P2RX7: variants seen among roughly 807,000 people sequenced by gnomAD.
P2RX7 encodes the protein P2X purinoceptor 7.
Under a neutral mutation model 71.6 loss-of-function variants are expected in P2RX7, and 62 were observed. That is an observed-to-expected ratio of 0.87 (90% CI 0.71 to 1.07). The LOEUF (loss-of-function observed/expected upper bound fraction) is 1.07. P2RX7 is among the 50% of genes least tolerant of loss of function. P2RX7 has a pLI of 0.00. For synonymous variants in P2RX7, 299 were observed against 283.3 expected, an observed-to-expected ratio of 1.06 and a Z score of -0.56; for missense variants, 686 against 748.5, an observed-to-expected ratio of 0.92 and a Z score of 0.97.
chr12:121,184,366 C>G lies in P2RX7; in HGVS notation c.1352C>G (p.Pro451Arg), dbSNP rs201059543. 2.2e-5 allele frequency: 36 copies of G among 1,614,124 alleles called. No individual in the cohort carries two copies. Among genetic ancestry groups the G allele is most frequent in the Middle Eastern group, 3.3e-4 (2 of 6,062 alleles). Residue 451 changes from proline (P) to arginine (R), a missense_variant, in exon 13 of 13, where the codon CCG (proline) becomes CGG (arginine). Transcript: ENST00000328963. ...CCCCTGGCCCTCCATGACACACCCC[C>G]GATTCCTGGACAACCAGAGGAGATA... ...RLPLALHDTP[P>R]IPGQPEEIQL... is the part of the protein sequence containing the mutation.
chr12:121,184,703 G>A lies in P2RX7; in HGVS notation c.1689G>A (p.Met563Ile). The change falls in exon 13 of 13, where the codon ATG (methionine) becomes ATA (isoleucine). Residue 563 changes from methionine (M) to isoleucine (I), a missense_variant. By Grantham distance (10) the Met-to-Ile change is conservative. Transcript: ENST00000328963. ...CCTGGCGCTTCGGCTCCCAGGACAT[G>A]GCTGACTTTGCCATCCTGCCCAGCT... ...YATWRFGSQD[M>I]ADFAILPSCC... is the part of the protein sequence containing the mutation. 6.4e-7 allele frequency: 1 copy of A among 1,567,386 alleles called. No individual in the cohort carries two copies. The highest frequency in any genetic ancestry group is 8.7e-7 in the Non-Finnish European group (1 of 1,155,904).
chr12:121,145,840 A>G (rs1876070776), intron 1 of P2RX7, among the ~76,000 whole-genome samples: 1 of 152,108 alleles, frequency 6.6e-6, no homozygotes, highest in Admixed American at 6.6e-5. Context: ...TCAGCTATAA[A>G]GAAGAGAGGC....
At chr12:121,145,699 G>A (rs1876029154) in intron 1 of P2RX7, among the ~76,000 whole-genome samples, 1 of 151,918 alleles carries the variant, frequency 6.6e-6, no homozygotes, top group Admixed American at 6.6e-5. Context: ...GTAGAGACGG[G>A]GTTTCACCAT....
chr12:121,169,436 C>T (rs538866715), intron 8 of P2RX7, among the ~76,000 whole-genome samples: 27 of 152,260 alleles, frequency 1.8e-4, no homozygotes, highest in Admixed American at 5.2e-4. Context: ...GAGTTCTCCT[C>T]GTGGGCTTTG....
intron 5 of P2RX7, among the ~76,000 whole-genome samples, chr12:121,163,514 G>A (rs888276113): frequency 3.9e-5 from 6 of 151,978 alleles, no homozygotes; most frequent in African/African-American, 1.5e-4. Flanking sequence ...CATGAAATGC[G>A]ACTACTGAAT....
intron 1 of P2RX7, among the ~76,000 whole-genome samples, chr12:121,151,201 T>A (rs1593037010): frequency 3.3e-5 from 5 of 152,138 alleles, no homozygotes; most frequent in Admixed American, 3.3e-4. Flanking sequence ...GCCACTGTGT[T>A]CCAGCATGGG....
intron 1 of P2RX7, among the ~76,000 whole-genome samples, chr12:121,147,365 AAG>A (rs1876414808): frequency 6.6e-6 from 1 of 152,154 alleles, no homozygotes; most frequent in African/African-American, 2.4e-5. Flanking sequence ...TAAGGATTGC[AAG>A]AGTTAATATA....
rs115030513 is a variant in P2RX7, at chr12:121,146,718, G to A, written c.126-8067G>A. Among the ~76,000 whole-genome samples the A allele has an allele frequency of 3.9e-3, 587 of 152,322 alleles. 7 individuals carry two copies. Among genetic ancestry groups the A allele is most frequent in the African/African-American group, 0.013 (546 of 41,582 alleles). On this transcript the variant is annotated intron_variant, in intron 1 of 12. Coordinates refer to ENST00000328963, the MANE Select transcript of P2RX7 (RefSeq NM_002562.6). ...GTGCACACCCAGAAGTTGTCCTATGGACTTAATGTCTTAGGGGTGAGAAGA... is the reference window on the plus strand; with the variant it reads ...GTGCACACCCAGAAGTTGTCCTATGAACTTAATGTCTTAGGGGTGAGAAGA...
chr12:121,181,925 G>A (rs1439865201), intron 12 of P2RX7, among the ~76,000 whole-genome samples: 2 of 151,970 alleles, frequency 1.3e-5, no homozygotes, highest in Non-Finnish European at 1.5e-5. Flanking sequence ...TTAGCCAGGC[G>A]TGGTGGTGCA....
At chr12:121,182,337 A>G (rs935865917) in intron 12 of P2RX7, among the ~76,000 whole-genome samples, 2 of 152,198 alleles carry the variant, frequency 1.3e-5, no homozygotes, top group African/African-American at 4.8e-5. Context: ...GTATGAAGTG[A>G]ACTACAGTCA....
At chr12:121,181,170 G>C (rs117959175) in intron 12 of P2RX7, among the ~76,000 whole-genome samples, 54 of 152,024 alleles carry the variant, frequency 3.6e-4, no homozygotes, top group Admixed American at 8.5e-4. Flanking sequence ...GTATGTAAGC[G>C]GTATATACGC....
At chr12:121,175,798 G>GAA (rs3842711) in intron 9 of P2RX7, among the ~76,000 whole-genome samples, 5 of 151,096 alleles carry the variant, frequency 3.3e-5, no homozygotes, top group East Asian at 3.9e-4. Flanking sequence ...GGCTTAAGGG[G>GAA]AAAAAAAAAG....
In P2RX7 at chr12:121,184,468, CT is replaced by C; in HGVS notation, c.1455del (p.Gln486AsnfsTer120). On this transcript the variant is annotated frameshift_variant, in exon 13 of 13. Transcript: ENST00000328963. LOFTEE classifies it high-confidence loss of function. ...TGCCAGTGTGGAAGCTGCCTCCCAT[CT>C]CAACTCCCTGAGAGCCACAGGTGCC... ...VWCQCGSCLP[S>X]QLPESHRCLE... 1 of 1,614,222 alleles carries C rather than the reference CT, an allele frequency of 6.2e-7. No individual in the cohort carries two copies. Among genetic ancestry groups the C allele is most frequent in the Non-Finnish European group, 8.5e-7 (1 of 1,180,040 alleles).
intron 12 of P2RX7, among the ~76,000 whole-genome samples, chr12:121,182,028 C>T (rs1477045573): frequency 1.0e-4 from 15 of 149,826 alleles, no homozygotes; most frequent in South Asian, 8.4e-4. Flanking sequence ...CACACCTCTG[C>T]ACTCTAGCCT....
chr12:121,133,706 A>T (rs1872915712), intron 1 of P2RX7, among the ~76,000 whole-genome samples: 1 of 151,758 alleles, frequency 6.6e-6, no homozygotes, highest in Admixed American at 6.6e-5. Context: ...GGAATCCCAC[A>T]CTCCTTCACC....
chr12:121,160,441 C>T (rs11065458), intron 3 of P2RX7, among the ~76,000 whole-genome samples: 13,391 of 152,206 alleles, frequency 0.088, 925 homozygotes, highest in East Asian at 0.25. Flanking sequence ...TAAGCCACGG[C>T]GCCCAGCCCC....
rs1884901042 is a variant in P2RX7, at chr12:121,186,463, CT to C, written c.*1662del. On this transcript the variant is annotated 3_prime_UTR_variant, in exon 13 of 13. Coordinates refer to ENST00000328963, the MANE Select transcript of P2RX7 (RefSeq NM_002562.6). The stretch of plus-strand genomic sequence containing the variant: ...GGAGCCTCAGGAACTTAGGTTTCCA[CT>C]GGACAGTTCTAGAAGGGCTATAGAC... The C allele has an allele frequency of 6.6e-6, 1 of 152,272 alleles. No individual in the cohort carries two copies. The highest frequency in any genetic ancestry group is 2.4e-5 in the African/African-American group (1 of 41,444). 9.4% of individuals were successfully genotyped at this position (152,272 alleles called of 1,614,324 possible).
At chr12:121,164,110 A>G (rs1880502204) in intron 5 of P2RX7, among the ~76,000 whole-genome samples, 1 of 152,150 alleles carries the variant, frequency 6.6e-6, no homozygotes, top group Non-Finnish European at 1.5e-5. Context: ...CCCTTGACTG[A>G]CTGCAGTTTC....
At chr12:121,135,479 C>T (rs754299142) in intron 1 of P2RX7, among the ~76,000 whole-genome samples, 15 of 152,020 alleles carry the variant, frequency 9.9e-5, no homozygotes, top group Non-Finnish European at 1.8e-4. Context: ...AATCTGGAAA[C>T]GTGGATTCAA....
Sources: allele counts gnomAD v4.1 joint callset (sites outside exome capture counted in the v4.1 genomes callset), GRCh38; gene constraint gnomAD v4.1.1; transcripts MANE v1.5; gene names NCBI Gene and HGNC (gene_info 2026-07-23, HGNC 2026-07-21).